WDR25: variants seen among roughly 807,000 people sequenced by gnomAD.
The protein encoded by WDR25 is WD repeat-containing protein 25.
A neutral mutation model predicts 47.7 loss-of-function variants in WDR25; 35 were observed. The observed-to-expected ratio is 0.73, with a 90% CI of 0.56 to 0.97. The LOEUF is 0.97. Among genes scored for constraint, WDR25 ranks in the 50% least tolerant of loss-of-function variants. The pLI is 0.00. For synonymous variants in WDR25, 248 were observed against 278.9 expected (o/e 0.89, Z 1.10); for missense variants, 634 against 704.7 (o/e 0.90, Z 1.14).
At chr14:100,528,983 G>T in intron 5 of WDR25, 85 bp from the exon 6 acceptor site, 1 of 1,462,728 alleles carries the variant, frequency 6.8e-7, no homozygotes, top group South Asian at 1.5e-5. Context: ...CCCAGCTAGG[G>T]TCTGGGAGCA....
In WDR25 at chr14:100,381,048, G is replaced by A. The variant is rs200375166; in HGVS notation, c.124G>A (p.Val42Met). The change falls in exon 2 of 7, where the codon GTG becomes ATG. Residue 42 changes from valine (V) to methionine (M), a missense_variant. Transcript: ENST00000402312. The stretch of plus-strand genomic sequence containing the variant: ...CGGCCAGCAGAAAGACACTTCTGGT[G>A]TGGCCAGACCACCTGGGCAGGATTT... ...ATGQQKDTSG[V>M]ARPPGQDFAS... The A allele has an allele frequency of 1.7e-5, 27 of 1,614,222 alleles. No individual in the cohort carries two copies. The East Asian group carries it at 6.0e-4, about 36-fold the overall frequency.
rs1900892271 is a variant in WDR25, at chr14:100,500,687, C to G, written c.1101+16563C>G. Among the ~76,000 whole-genome samples the G allele has an allele frequency of 6.6e-6, 1 of 152,178 alleles. No individual in the cohort carries two copies. On this transcript the variant is annotated intron_variant, in intron 4 of 6. Coordinates refer to ENST00000402312, the MANE Select transcript of WDR25 (RefSeq NM_001161476.3). The surrounding 1 kb of genome is among the most constrained non-coding windows in gnomAD (Gnocchi z 4.7). Reference sequence around the variant, plus strand: ...TTCAGAGTAGGCCTGAGCCTCTGTCCATTGTCCTACGTGGCTTCTTTGGGG... The same window carrying G: ...TTCAGAGTAGGCCTGAGCCTCTGTCGATTGTCCTACGTGGCTTCTTTGGGG...
intron 2 of WDR25, among the ~76,000 whole-genome samples, chr14:100,464,250 G>A (rs1404273179): frequency 1.3e-5 from 2 of 152,128 alleles, no homozygotes; most frequent in Non-Finnish European, 2.9e-5. Context: ...CTACATAGCT[G>A]GCTTTCTCAC....
chr14:100,393,859 C>G (rs1168967812), intron 2 of WDR25, among the ~76,000 whole-genome samples: 2 of 152,192 alleles, frequency 1.3e-5, no homozygotes, highest in East Asian at 3.9e-4. Flanking sequence ...GTGAGCTGCT[C>G]TGCCCTGAAA....
chr14:100,470,309 C>A (rs898198519), intron 3 of WDR25, among the ~76,000 whole-genome samples: 1 of 152,118 alleles, frequency 6.6e-6, no homozygotes, highest in Non-Finnish European at 1.5e-5. Flanking sequence ...GAGGGGAAAC[C>A]CCAGCCTGTG....
intron 2 of WDR25, among the ~76,000 whole-genome samples, chr14:100,397,564 C>T (rs913705722): frequency 6.6e-6 from 1 of 152,142 alleles, no homozygotes. Flanking sequence ...ATCATTATAG[C>T]GCAGCATCAT....
At chr14:100,423,303 G>A (rs913260755) in intron 2 of WDR25, among the ~76,000 whole-genome samples, 2 of 152,010 alleles carry the variant, frequency 1.3e-5, no homozygotes, top group Non-Finnish European at 2.9e-5. Context: ...AAGCTTCTGT[G>A]GAGAATGCCA....
intron 2 of WDR25, among the ~76,000 whole-genome samples, chr14:100,458,712 A>G (rs1048866470): frequency 3.3e-5 from 5 of 152,220 alleles, no homozygotes; most frequent in African/African-American, 7.2e-5. Flanking sequence ...TTCTCTGACT[A>G]CTATGGGATT....
chr14:100,416,330 C>T (rs1054749415), intron 2 of WDR25, among the ~76,000 whole-genome samples: 1 of 152,162 alleles, frequency 6.6e-6, no homozygotes, highest in Admixed American at 6.5e-5. Flanking sequence ...TCTATTATTA[C>T]GTATTCTCAA....
At chr14:100,514,756 A>G (rs908895363) in intron 4 of WDR25, among the ~76,000 whole-genome samples, 11 of 152,074 alleles carry the variant, frequency 7.2e-5, no homozygotes, top group Non-Finnish European at 1.3e-4. Flanking sequence ...AAATATTTTA[A>G]TAATAAAAAG....
In WDR25 at chr14:100,500,374, C is replaced by T. The variant is rs879304329; in HGVS notation, c.1101+16250C>T. Among the ~76,000 whole-genome samples, 9 of 152,006 alleles carry T rather than the reference C, an allele frequency of 5.9e-5. No individual in the cohort carries two copies. Among genetic ancestry groups the T allele is most frequent in the Admixed American group, 2.6e-4 (4 of 15,264 alleles). ...TCTTCTGCTCCTTCTTCCAGGGACCCGAGGAGGGTGAAGTGGCTCTGGCTG... is the reference window on the plus strand; with the variant it reads ...TCTTCTGCTCCTTCTTCCAGGGACCTGAGGAGGGTGAAGTGGCTCTGGCTG... On this transcript the variant is annotated intron_variant, in intron 4 of 6. Transcript: ENST00000402312. The surrounding 1 kb of genome is among the most constrained non-coding windows in gnomAD (Gnocchi z 4.7).
chr14:100,458,581 C>T (rs541347341), intron 2 of WDR25, among the ~76,000 whole-genome samples: 1 of 152,224 alleles, frequency 6.6e-6, no homozygotes, highest in South Asian at 2.1e-4. Flanking sequence ...ATTTATGGAA[C>T]ACTCCATGTA....
In WDR25 at chr14:100,404,033, G is replaced by A. The variant is rs1382293206; in HGVS notation, c.822+22287G>A. ...GTTGGTGTGGACTTTATCATGGGCT[G>A]TACCCAGTATCACAAGAGCTCAAGG... On this transcript the variant is annotated intron_variant, in intron 2 of 6. Transcript: ENST00000402312. The surrounding 1 kb of genome is among the most constrained non-coding windows in gnomAD (Gnocchi z 4.6). Among the ~76,000 whole-genome samples, 1 of 152,202 alleles carries A rather than the reference G, an allele frequency of 6.6e-6. No homozygotes were observed. The highest frequency in any genetic ancestry group is 1.9e-4 in the East Asian group (1 of 5,196).
intron 2 of WDR25, among the ~76,000 whole-genome samples, chr14:100,414,422 C>T (rs1595515143): frequency 6.6e-6 from 1 of 150,744 alleles, no homozygotes; most frequent in Non-Finnish European, 1.5e-5. Context: ...AAGCAATTCT[C>T]CTGTCTCAGC....
intron 2 of WDR25, among the ~76,000 whole-genome samples, chr14:100,414,158 G>A (rs1897798705): frequency 6.6e-6 from 1 of 151,862 alleles, no homozygotes; most frequent in South Asian, 2.1e-4. Context: ...ACCACGCCTG[G>A]CTAATATTTT....
At chr14:100,454,788 A>C in intron 2 of WDR25, 1 of 266,664 alleles carries the variant, frequency 3.8e-6, no homozygotes, top group Non-Finnish European at 7.4e-6. Flanking sequence ...GTGGCTATAA[A>C]CTCTACCCAA....
At chr14:100,399,936 T>G (rs1419420469) in intron 2 of WDR25, among the ~76,000 whole-genome samples, 1 of 152,250 alleles carries the variant, frequency 6.6e-6, no homozygotes, top group Admixed American at 6.5e-5. Context: ...GTACGGGTGC[T>G]GCAGGTTCCA....
At chr14:100,520,572 T>C (rs1429703041) in intron 4 of WDR25, among the ~76,000 whole-genome samples, 2 of 152,232 alleles carry the variant, frequency 1.3e-5, no homozygotes, top group East Asian at 3.8e-4. Flanking sequence ...CACCATCCTA[T>C]GTGATTGGCG....
chr14:100,474,862 G>A (rs952112702), intron 3 of WDR25, among the ~76,000 whole-genome samples: 2 of 152,142 alleles, frequency 1.3e-5, no homozygotes, highest in Non-Finnish European at 2.9e-5. Context: ...GACAGCCCGT[G>A]GATTGGAAGA....
Sources: gnomAD v4.1 joint callset for allele counts (sites outside exome capture counted in the v4.1 genomes callset) on GRCh38, gnomAD v4.1.1 for gene constraint, Gnocchi (gnomAD v3.1) non-coding constraint, MANE v1.5 for transcripts, NCBI Gene and HGNC (gene_info 2026-07-23, HGNC 2026-07-21) for gene names.